Variants in KLF17 observed in about 807,000 individuals in gnomAD.
KLF17 encodes the protein KLF transcription factor 17.
In KLF17, 31 loss-of-function variants were observed where a neutral mutation model predicts 34.2. The observed-to-expected ratio is 0.91, with a 90% confidence interval of 0.68 to 1.22. The LOEUF is 1.22. KLF17 is among the 50% of genes most tolerant of loss of function. The pLI is 0.00. For missense variants in KLF17, 478 were observed against 505.2 expected (o/e 0.95, Z 0.52); for synonymous variants, 179 against 186.7 (o/e 0.96, Z 0.34).
chr1:44,054,694 G>T, the KLF17 span, among the ~76,000 whole-genome samples: 3,909 of 151,078 alleles, frequency 0.026, 183 homozygotes, highest in African/African-American at 0.09. Context: ...TGTTAGCCAG[G>T]ATGGTCTCAG....
the KLF17 span, chr1:44,106,847 C>T: frequency 6.6e-6 from 1 of 152,190 alleles, no homozygotes; most frequent in Admixed American, 6.6e-5. Flanking sequence ...CCTTCCCATC[C>T]CCATACAGGT....
At chr1:44,070,615 T>G in the KLF17 span, among the ~76,000 whole-genome samples, 63 of 134,814 alleles carry the variant, frequency 4.7e-4, no homozygotes, top group African/African-American at 1.7e-3. Context: ...TTTTTTTTTT[T>G]TGAGACAGGG....
At chr1:44,122,609 T>C (rs2087961478) in intron 1 of KLF17, 3 of 691,414 alleles carry the variant, frequency 4.3e-6, no homozygotes, top group Non-Finnish European at 7.9e-6. Context: ...TTGGTTTTTT[T>C]TTTGAGATAG....
the KLF17 span, among the ~76,000 whole-genome samples, chr1:44,073,895 A>G: frequency 0.082 from 12,453 of 152,208 alleles, 511 homozygotes; most frequent in African/African-American, 0.1. Flanking sequence ...TTATAATATA[A>G]CAAATTTATT....
the KLF17 span, among the ~76,000 whole-genome samples, chr1:44,111,159 A>ATG: frequency 6.9e-6 from 1 of 145,514 alleles, no homozygotes; most frequent in Admixed American, 7.2e-5. Flanking sequence ...CTATATATAT[A>ATG]TTCTTTAATG....
At chr1:44,080,235 T>A in the KLF17 span, among the ~76,000 whole-genome samples, 1 of 107,532 alleles carries the variant, frequency 9.3e-6, no homozygotes, top group African/African-American at 3.4e-5. Flanking sequence ...CCCCTCTGTG[T>A]CTTTTTTTTT....
At chr1:44,126,496 C>T (rs2088009759) in intron 1 of KLF17, among the ~76,000 whole-genome samples, 2 of 152,198 alleles carry the variant, frequency 1.3e-5, no homozygotes, top group South Asian at 4.1e-4. Flanking sequence ...CTTTAATACC[C>T]TTCATTGTTC....
chr1:44,122,847 C>T (rs536562797), intron 1 of KLF17, among the ~76,000 whole-genome samples: 3 of 152,306 alleles, frequency 2.0e-5, no homozygotes, highest in Non-Finnish European at 2.9e-5. Flanking sequence ...GATCCACCCC[C>T]CTTGGCCTCC....
chr1:44,054,599 G>A, the KLF17 span, among the ~76,000 whole-genome samples: 1 of 148,584 alleles, frequency 6.7e-6, no homozygotes, highest in Non-Finnish European at 1.5e-5. Context: ...TCCTGCCGCA[G>A]CCTCCCAAGT....
At chr1:44,119,213 A>G (rs567244711) in intron 1 of KLF17, among the ~76,000 whole-genome samples, 58 of 148,234 alleles carry the variant, frequency 3.9e-4, no homozygotes, top group African/African-American at 1.4e-3. Flanking sequence ...GAGACTGGGG[A>G]GGGATTGGAA....
the KLF17 span, among the ~76,000 whole-genome samples, chr1:44,077,464 C>T: frequency 2.3e-4 from 35 of 152,126 alleles, no homozygotes; most frequent in Admixed American, 2.2e-3. Context: ...TTACTAGGCT[C>T]GTGAATTCTA....
chr1:44,131,540 C>A (rs1571994941), intron 3 of KLF17, among the ~76,000 whole-genome samples: 1 of 152,136 alleles, frequency 6.6e-6, no homozygotes, highest in Non-Finnish European at 1.5e-5. Context: ...CTGTATTAGA[C>A]GTGGCACATA....
the KLF17 span, among the ~76,000 whole-genome samples, chr1:44,078,316 A>T: frequency 6.6e-6 from 1 of 152,162 alleles, no homozygotes; most frequent in East Asian, 1.9e-4. Context: ...CTGGAGCCAG[A>T]CCTTGTAAAC....
the KLF17 span, among the ~76,000 whole-genome samples, chr1:44,060,467 CA>C: frequency 1.3e-5 from 2 of 151,892 alleles, no homozygotes; most frequent in African/African-American, 4.8e-5. Context: ...GACTCTGTCT[CA>C]AAAAAAGAAT....
the KLF17 span, among the ~76,000 whole-genome samples, chr1:44,102,614 A>G: frequency 0.041 from 5,116 of 125,752 alleles, 171 homozygotes; most frequent in Middle Eastern, 0.12. Flanking sequence ...ACACACACAC[A>G]GAAAAGAAAA....
chr1:44,066,134 C>T, the KLF17 span, among the ~76,000 whole-genome samples: 1 of 152,042 alleles, frequency 6.6e-6, no homozygotes, highest in Non-Finnish European at 1.5e-5. Flanking sequence ...CTGGGCAATA[C>T]AGTGAGACCC....
chr1:44,097,436 A>G, the KLF17 span, among the ~76,000 whole-genome samples: 1 of 152,182 alleles, frequency 6.6e-6, no homozygotes, highest in Non-Finnish European at 1.5e-5. Flanking sequence ...ATAGCATTGA[A>G]TCTATAAATC....
the KLF17 span, among the ~76,000 whole-genome samples, chr1:44,060,481 A>C: frequency 1.3e-5 from 2 of 152,026 alleles, no homozygotes; most frequent in South Asian, 2.1e-4. Flanking sequence ...AAAAGAATGA[A>C]ACTTGGAATA....
At chr1:44,102,565 T>TACACACACACACAC in the KLF17 span, among the ~76,000 whole-genome samples, 7 of 89,268 alleles carry the variant, frequency 7.8e-5, no homozygotes, top group East Asian at 9.6e-4. Context: ...CACATACACA[T>TACACACACACACAC]ACACACACAC....
Sources: gnomAD v4.1 joint callset for allele counts (sites outside exome capture counted in the v4.1 genomes callset) on GRCh38, gnomAD v4.1.1 for gene constraint, MANE v1.5 for transcripts, NCBI Gene and HGNC (gene_info 2026-07-23, HGNC 2026-07-21) for gene names.